Variants in CPB2 observed in about 807,000 individuals in gnomAD.
CPB2 encodes the protein carboxypeptidase B2.
CPB2 carries 54 observed loss-of-function variants against 57.0 expected under a neutral mutation model. That is an observed-to-expected ratio of 0.95 (90% confidence interval 0.76 to 1.19). The LOEUF is 1.19. Among genes scored for constraint, CPB2 ranks in the 50% most tolerant of loss-of-function variants. The pLI is 0.00. For synonymous variants in CPB2, 189 were observed against 178.1 expected, an observed-to-expected ratio of 1.06 and a Z score of -0.49; for missense variants, 426 against 512.0, an observed-to-expected ratio of 0.83 and a Z score of 1.62.
At position 46,084,346 on chromosome 13, in the gene CPB2, A is replaced by G. The variant is rs758010947; in HGVS notation, c.151-3T>C. The G allele has an allele frequency of 6.2e-7, 1 of 1,614,098 alleles. No individual in the cohort carries two copies. The highest frequency in any genetic ancestry group is 8.5e-7 in the Non-Finnish European group (1 of 1,179,988). On this transcript the variant is annotated splice_region_variant and splice_polypyrimidine_tract_variant and intron_variant, in intron 2 of 10. Coordinates refer to ENST00000181383, the MANE Select transcript of CPB2 (RefSeq NM_001872.5). ...GTTACCGGCTGCCAGAGAACAATCT[A>G]CAGTTTAAGGGGCAAAATTGATAAA...
At position 46,080,989 on chromosome 13, in the gene CPB2, A is replaced by AT. The variant is rs1205858270; in HGVS notation, c.384+1451_384+1452insA. Among the ~76,000 whole-genome samples the AT allele has an allele frequency of 1.4e-4, 21 of 150,416 alleles. No individual in the cohort carries two copies. In the East Asian group the frequency reaches 3.9e-3, roughly 28 times the overall value. ...TCTGTCTCAAAAAAAAAAAAAAAAA[A>AT]AGGAAAGAAAAGGCATATGAGGAAG... On this transcript the variant is annotated intron_variant, in intron 4 of 10. Coordinates refer to ENST00000181383, the MANE Select transcript of CPB2 (RefSeq NM_001872.5).
At chr13:46,086,044 G>A (rs2045198480) in intron 2 of CPB2, among the ~76,000 whole-genome samples, 1 of 152,158 alleles carries the variant, frequency 6.6e-6, no homozygotes, top group Admixed American at 6.5e-5. Flanking sequence ...GCAAGGCTGT[G>A]GCTGGACCAG....
chr13:46,103,660 A>C (rs1360680650), intron 1 of CPB2, among the ~76,000 whole-genome samples: 1 of 152,242 alleles, frequency 6.6e-6, no homozygotes, highest in East Asian at 1.9e-4. Flanking sequence ...GCACAAACAC[A>C]GGCACTAAAT....
intron 4 of CPB2, among the ~76,000 whole-genome samples, chr13:46,079,533 A>G (rs1450531592): frequency 1.0e-5 from 1 of 95,658 alleles, no homozygotes; most frequent in Non-Finnish European, 2.1e-5. Flanking sequence ...GGAAGGAAAA[A>G]GCAAAAAAAA....
At chr13:46,071,978 G>C (rs2044949318) in intron 6 of CPB2, among the ~76,000 whole-genome samples, 2 of 152,214 alleles carry the variant, frequency 1.3e-5, no homozygotes, top group Admixed American at 1.3e-4. Flanking sequence ...TACTTGGCAA[G>C]TTGTGATGGT....
At chr13:46,082,121 G>A (rs895811534) in intron 4 of CPB2, among the ~76,000 whole-genome samples, 5 of 152,146 alleles carry the variant, frequency 3.3e-5, no homozygotes, top group Non-Finnish European at 7.4e-5. Flanking sequence ...TAATTGGACT[G>A]GTAATTTTTT....
intron 2 of CPB2, among the ~76,000 whole-genome samples, chr13:46,084,890 T>G (rs897222834): frequency 1.3e-5 from 2 of 151,628 alleles, no homozygotes; most frequent in Admixed American, 6.6e-5. Flanking sequence ...TCTGGCTGTC[T>G]CCCAGGCTGG....
intron 7 of CPB2, 70 bp downstream of exon 7, chr13:46,067,237 G>T: frequency 2.7e-6 from 2 of 739,446 alleles, no homozygotes; most frequent in Non-Finnish European, 4.5e-6. Context: ...AGAATTCTAT[G>T]AATAATTCAA....
At chr13:46,069,932 T>G (rs967353055) in intron 6 of CPB2, among the ~76,000 whole-genome samples, 1 of 152,174 alleles carries the variant, frequency 6.6e-6, no homozygotes, top group African/African-American at 2.4e-5. Flanking sequence ...CTGAAGAAAT[T>G]TTGCCTGACG....
Position 46,086,086 on chromosome 13 carries a change from C to T in CPB2, c.150+1659G>A, listed in dbSNP as rs577621612. On this transcript the variant is annotated intron_variant, in intron 2 of 10. Transcript: ENST00000181383. The stretch of plus-strand genomic sequence containing the variant: ...CTCAAGCAGCTTCAATGGCTGGCAC[C>T]GGGGAAGGTGGTGGCACCCAGAAGT... 5.3e-5 allele frequency among the ~76,000 whole-genome samples: 8 copies of T among 152,212 alleles called. No individual in the cohort carries two copies. The South Asian group carries it at 1.7e-3, about 32-fold the overall frequency.
chr13:46,070,714 A>G (rs1403817712), intron 6 of CPB2, among the ~76,000 whole-genome samples: 1 of 152,174 alleles, frequency 6.6e-6, no homozygotes, highest in African/African-American at 2.4e-5. Flanking sequence ...TTTCATTACC[A>G]TTACAAATAT....
intron 8 of CPB2, among the ~76,000 whole-genome samples, chr13:46,059,619 C>G (rs1041125254): frequency 1.5e-5 from 2 of 134,752 alleles, no homozygotes; most frequent in South Asian, 4.8e-4. Flanking sequence ...TCATCATCAT[C>G]ATGTGGACTG....
chr13:46,053,505 T>G lies in CPB2; in HGVS notation c.*109A>C. On this transcript the variant is annotated 3_prime_UTR_variant, in exon 11 of 11. Coordinates refer to ENST00000181383, the MANE Select transcript of CPB2 (RefSeq NM_001872.5). ...CTGACAGAACCAAGGAATAGGAAAA[T>G]CTTTTATCAAAACTACGGATAAAAC... is the stretch of plus-strand genomic sequence containing the variant. 1 of 1,490,076 alleles carries G rather than the reference T, an allele frequency of 6.7e-7. No individual in the cohort carries two copies. Among genetic ancestry groups the G allele is most frequent in the Non-Finnish European group, 9.0e-7 (1 of 1,113,474 alleles). 92.3% of individuals were successfully genotyped at this position (1,490,076 alleles called of 1,614,324 possible). A position where few individuals can be genotyped will look rare whatever the true frequency, so the allele number is the denominator to read the frequency against.
chr13:46,087,033 G>A (rs2045218408), intron 2 of CPB2, among the ~76,000 whole-genome samples: 2 of 152,224 alleles, frequency 1.3e-5, no homozygotes, highest in South Asian at 4.1e-4. Context: ...TCAGAACACT[G>A]AGAGTGCAGA....
chr13:46,060,715 G>C (rs2044760594), intron 8 of CPB2, among the ~76,000 whole-genome samples: 1 of 152,092 alleles, frequency 6.6e-6, no homozygotes, highest in African/African-American at 2.4e-5. Context: ...GCTGGACAGT[G>C]AGCCTCAGAT....
At chr13:46,095,775 A>G (rs1293235271) in intron 1 of CPB2, among the ~76,000 whole-genome samples, 1 of 151,216 alleles carries the variant, frequency 6.6e-6, no homozygotes, top group Non-Finnish European at 1.5e-5. Context: ...CACATTTCCC[A>G]CTGGCTTCTT....
chr13:46,075,213 A>G (rs1022952), intron 5 of CPB2, among the ~76,000 whole-genome samples: 120,075 of 152,234 alleles, frequency 0.79, 47,708 homozygotes, highest in African/African-American at 0.88. Flanking sequence ...GATAGTAAGT[A>G]AGAAAGCCCA....
chr13:46,067,218 C>A, intron 7 of CPB2, 89 bp downstream of exon 7: 1 of 617,930 alleles, frequency 1.6e-6, no homozygotes, highest in South Asian at 2.6e-5. Flanking sequence ...AGCCATTGTG[C>A]CTAGATCCAG....
chr13:46,077,502 G>A (rs1442692633), intron 5 of CPB2, among the ~76,000 whole-genome samples: 2 of 152,156 alleles, frequency 1.3e-5, no homozygotes, highest in East Asian at 3.9e-4. Context: ...CAGCCACTAT[G>A]AAAAACCATG....
Sources: allele counts gnomAD v4.1 joint callset (sites outside exome capture counted in the v4.1 genomes callset), GRCh38; gene constraint gnomAD v4.1.1; transcripts MANE v1.5; gene names NCBI Gene and HGNC (gene_info 2026-07-23, HGNC 2026-07-21).